Variants in FARS2 observed in about 807,000 individuals in gnomAD.
FARS2 encodes the protein phenylalanine--tRNA ligase, mitochondrial.
In FARS2, 40 loss-of-function variants were observed where a neutral mutation model predicts 46.4. The observed-to-expected ratio is 0.86, with a 90% CI of 0.67 to 1.12. The LOEUF is 1.12. FARS2 is among the 50% of genes most tolerant of loss of function. The probability of loss-of-function intolerance (pLI) is 0.00; values close to 1 mark genes in which losing one functional copy is unlikely to be tolerated. For missense variants in FARS2, 513 were observed against 567.9 expected (o/e 0.90, Z 0.98); for synonymous variants, 234 against 214.9 (o/e 1.09, Z -0.78).
chr6:5,411,007 G>A, intron 3 of FARS2, among the ~76,000 whole-genome samples: 1 of 152,126 alleles, frequency 6.6e-6, no homozygotes, highest in Non-Finnish European at 1.5e-5. Flanking sequence ...GACTTCTAAG[G>A]CCATACCAGA....
chr6:5,365,001 A>G (rs1485794258), intron 1 of FARS2, among the ~76,000 whole-genome samples: 1 of 152,020 alleles, frequency 6.6e-6, no homozygotes, highest in Admixed American at 6.6e-5. Context: ...GTAAGCCATG[A>G]TCATCCCACT....
At chr6:5,436,370 T>A (rs1362934415) in intron 4 of FARS2, among the ~76,000 whole-genome samples, 2 of 126,556 alleles carry the variant, frequency 1.6e-5, no homozygotes, top group Non-Finnish European at 3.7e-5. Context: ...GGTTCACTGT[T>A]GTTGATCTCA....
At chr6:5,447,059 GGTA>G (rs1315244420) in intron 4 of FARS2, among the ~76,000 whole-genome samples, 1 of 152,182 alleles carries the variant, frequency 6.6e-6, no homozygotes, top group Non-Finnish European at 1.5e-5. Flanking sequence ...TCATCCTTCT[GGTA>G]GTAGTGAGGC....
At chr6:5,466,894 G>A in intron 4 of FARS2, 1 of 985,404 alleles carries the variant, frequency 1.0e-6, no homozygotes, top group South Asian at 4.7e-5. Context: ...GAACCCATGA[G>A]CACATGGGCA....
chr6:5,451,583 G>A (rs1562050372), intron 4 of FARS2: 1 of 151,982 alleles, frequency 6.6e-6, no homozygotes, highest in Non-Finnish European at 1.5e-5. Flanking sequence ...GGGACATTGG[G>A]GACATCAGTC....
In FARS2 at chr6:5,463,886, C is replaced by T. The variant is rs1303519418; in HGVS notation, c.904+32714C>T. ...CTCTCTCCCCTTCTCCCAGTAATAG[C>T]CAGCTGGGAAAGGCCTTGTTAAAGT... On this transcript the variant is annotated intron_variant, in intron 4 of 6. Coordinates refer to ENST00000274680, the MANE Select transcript of FARS2 (RefSeq NM_006567.5). Among the ~76,000 whole-genome samples, 5 of 152,120 alleles carry T rather than the reference C, an allele frequency of 3.3e-5. No individual in the cohort carries two copies. In the East Asian group the frequency reaches 7.7e-4, roughly 23 times the overall value.
chr6:5,632,601 T>TCTTC (rs1167771157), intron 6 of FARS2, among the ~76,000 whole-genome samples: 4 of 142,432 alleles, frequency 2.8e-5, no homozygotes, highest in Non-Finnish European at 6.1e-5. Context: ...CCTTCCCGCT[T>TCTTC]CTTCCTTCCT....
At chr6:5,620,636 T>G (rs550503903) in intron 6 of FARS2, among the ~76,000 whole-genome samples, 155 of 152,340 alleles carry the variant, frequency 1.0e-3, no homozygotes, top group African/African-American at 3.6e-3. Flanking sequence ...TTTCTGCTCT[T>G]TTTTGTCTTA....
chr6:5,593,935 G>C (rs1022857790), intron 5 of FARS2, among the ~76,000 whole-genome samples: 1 of 152,172 alleles, frequency 6.6e-6, no homozygotes, highest in African/African-American at 2.4e-5. Context: ...CTAAATCCCT[G>C]GCTAAGGGTC....
At chr6:5,474,600 G>T (rs979013930) in intron 4 of FARS2, among the ~76,000 whole-genome samples, 1 of 151,552 alleles carries the variant, frequency 6.6e-6, no homozygotes, top group Non-Finnish European at 1.5e-5. Flanking sequence ...GTAATGTGAC[G>T]GTACATTTTT....
chr6:5,689,739 G>A (rs566664422), intron 6 of FARS2, among the ~76,000 whole-genome samples: 4 of 152,270 alleles, frequency 2.6e-5, no homozygotes, highest in Admixed American at 2.0e-4. Context: ...GCTGAGTTCA[G>A]TTCCTGGATA....
intron 1 of FARS2, among the ~76,000 whole-genome samples, chr6:5,347,306 A>G (rs1446062016): frequency 6.6e-6 from 1 of 152,136 alleles, no homozygotes; most frequent in East Asian, 1.9e-4. Flanking sequence ...AAGTCCCCTC[A>G]TGCCCCTTTC....
At chr6:5,716,479 A>G (rs1759498727) in intron 6 of FARS2, among the ~76,000 whole-genome samples, 1 of 152,154 alleles carries the variant, frequency 6.6e-6, no homozygotes, top group African/African-American at 2.4e-5. Flanking sequence ...AACACAGAGG[A>G]CTTCTGTGGC....
intron 4 of FARS2, among the ~76,000 whole-genome samples, chr6:5,435,468 C>T (rs1763467455): frequency 6.6e-6 from 1 of 152,200 alleles, no homozygotes; most frequent in Non-Finnish European, 1.5e-5. Context: ...TTTTAAATGG[C>T]TTGTAGCATT....
intron 4 of FARS2, among the ~76,000 whole-genome samples, chr6:5,498,887 T>C (rs982677216): frequency 6.6e-6 from 1 of 152,214 alleles, no homozygotes; most frequent in African/African-American, 2.4e-5. Context: ...TGCATTTCCA[T>C]TGAAGCCAGT....
At chr6:5,319,175 CTAAAA>C (rs1198938245) in intron 1 of FARS2, among the ~76,000 whole-genome samples, 5 of 152,062 alleles carry the variant, frequency 3.3e-5, no homozygotes, top group Non-Finnish European at 5.9e-5. Context: ...TACTGTCTCT[CTAAAA>C]TAATAACTGG....
At chr6:5,739,392 T>C (rs1335190635) in intron 6 of FARS2, among the ~76,000 whole-genome samples, 4 of 152,064 alleles carry the variant, frequency 2.6e-5, no homozygotes, top group Admixed American at 6.6e-5. Flanking sequence ...GCATGGCCAT[T>C]TCCAATTTTG....
chr6:5,499,868 G>A (rs1767686627), intron 4 of FARS2, among the ~76,000 whole-genome samples: 1 of 152,196 alleles, frequency 6.6e-6, no homozygotes, highest in African/African-American at 2.4e-5. Flanking sequence ...TTTGGGTACA[G>A]CAATGGCCTA....
At chr6:5,566,359 C>T (rs942262631) in intron 5 of FARS2, among the ~76,000 whole-genome samples, 9 of 152,108 alleles carry the variant, frequency 5.9e-5, no homozygotes, top group African/African-American at 1.7e-4. Context: ...TCTCACAATG[C>T]GAAGTAATTT....
Sources: gnomAD v4.1 joint callset for allele counts (sites outside exome capture counted in the v4.1 genomes callset) on GRCh38, gnomAD v4.1.1 for gene constraint, MANE v1.5 for transcripts, NCBI Gene and HGNC (gene_info 2026-07-23, HGNC 2026-07-21) for gene names.